The following SCMH1 variants were observed in gnomAD, a reference collection of about 807,000 sequenced individuals.
The protein encoded by SCMH1 is polycomb protein SCMH1.
A neutral mutation model predicts 70.8 loss-of-function variants in SCMH1; 37 were observed. The ratio of observed to expected loss-of-function variants is 0.52; its 90% CI spans 0.40 to 0.69. SCMH1 has a LOEUF of 0.69. SCMH1 is among the 30% of genes least tolerant of loss of function. SCMH1 has a pLI of 0.00. For synonymous variants in SCMH1, 292 were observed against 307.4 expected (o/e 0.95, Z 0.52); for missense variants, 607 against 827.3 (o/e 0.73, Z 3.27).
At chr1:41,171,387 G>A (rs1402125682) in intron 2 of SCMH1, among the ~76,000 whole-genome samples, 1 of 152,096 alleles carries the variant, frequency 6.6e-6, no homozygotes, top group East Asian at 1.9e-4. Context: ...CACTGCTTCT[G>A]ACCAAGAAGC....
chr1:41,038,469 G>A (rs1452973816), intron 12 of SCMH1, among the ~76,000 whole-genome samples: 7 of 152,132 alleles, frequency 4.6e-5, no homozygotes, highest in Non-Finnish European at 8.8e-5. Flanking sequence ...CAAGTGTTTA[G>A]GTAATGCTTG....
chr1:41,221,754 T>G (rs1659332587), intron 1 of SCMH1, among the ~76,000 whole-genome samples: 1 of 151,420 alleles, frequency 6.6e-6, no homozygotes, highest in Non-Finnish European at 1.5e-5. Flanking sequence ...TAGCCAGGTG[T>G]GGTGGCAGGC....
intron 9 of SCMH1, among the ~76,000 whole-genome samples, chr1:41,072,019 C>T (rs1242524004): frequency 2.0e-5 from 3 of 152,188 alleles, no homozygotes. Flanking sequence ...CAAAAATCCA[C>T]TTTTACTAAA....
At chr1:41,087,922 C>A (rs111890021) in intron 8 of SCMH1, among the ~76,000 whole-genome samples, 1 of 149,866 alleles carries the variant, frequency 6.7e-6, no homozygotes, top group Admixed American at 6.7e-5. Context: ...AATCTATACA[C>A]TATATATAGT....
At chr1:41,171,420 A>C (rs1016924626) in intron 2 of SCMH1, among the ~76,000 whole-genome samples, 1 of 152,192 alleles carries the variant, frequency 6.6e-6, no homozygotes, top group Admixed American at 6.5e-5. Flanking sequence ...TGTGGCAATA[A>C]GCTTATGCTC....
At chr1:41,213,825 T>G (rs1166997422) in intron 1 of SCMH1, among the ~76,000 whole-genome samples, 2 of 152,102 alleles carry the variant, frequency 1.3e-5, no homozygotes, top group East Asian at 3.9e-4. Context: ...TATAAGGACT[T>G]TAGCCATGAA....
chr1:41,112,176 C>T (rs936453314), intron 8 of SCMH1, among the ~76,000 whole-genome samples: 1 of 152,114 alleles, frequency 6.6e-6, no homozygotes, highest in African/African-American at 2.4e-5. Flanking sequence ...ATCTGTTTCA[C>T]CCAACTAGAA....
At chr1:41,197,573 T>A (rs191196267) in intron 1 of SCMH1, among the ~76,000 whole-genome samples, 25 of 152,238 alleles carry the variant, frequency 1.6e-4, no homozygotes, top group Middle Eastern at 3.4e-3. Flanking sequence ...GCGTACAGAA[T>A]TTCTATTTGG....
In SCMH1 at chr1:41,113,546, A is replaced by G; in HGVS notation, c.502-20T>C. 1 of 1,605,746 alleles carries G rather than the reference A, an allele frequency of 6.2e-7. No individual in the cohort carries two copies. The highest frequency in any genetic ancestry group is 2.2e-5 in the East Asian group (1 of 44,850). ...TGGCTCCTAGATGAGAAACAGAAAC[A>G]TACACACCTAGACACAAAGAGAGGC... On this transcript the variant is annotated intron_variant, in intron 7 of 14. Transcript: ENST00000337495. This position sits in a 1 kb window ranked among gnomAD's most constrained non-coding sequence, Gnocchi z 4.3.
At chr1:41,045,005 G>A (rs1376687051) in intron 12 of SCMH1, among the ~76,000 whole-genome samples, 1 of 152,190 alleles carries the variant, frequency 6.6e-6, no homozygotes, top group Non-Finnish European at 1.5e-5. Context: ...ATTCATGGAT[G>A]TGCTAACCCC....
At chr1:41,131,196 C>G (rs553989401) in intron 6 of SCMH1, among the ~76,000 whole-genome samples, 2 of 152,142 alleles carry the variant, frequency 1.3e-5, no homozygotes, top group African/African-American at 4.8e-5. Flanking sequence ...AATCAATTGA[C>G]CATAAATTGG....
chr1:41,183,525 G>C (rs1333765315), intron 2 of SCMH1, among the ~76,000 whole-genome samples: 1 of 152,068 alleles, frequency 6.6e-6, no homozygotes, highest in East Asian at 1.9e-4. Flanking sequence ...TTTTGTAACA[G>C]CTTTCTGGTG....
rs139100365 is a variant in SCMH1 at position 41,183,287 on chromosome 1, C to A, written c.13+2834G>T. On this transcript the variant is annotated intron_variant, in intron 2 of 14. Coordinates refer to ENST00000337495, the Ensembl canonical transcript of SCMH1. ...TCCTTTGTTCTCACTGCCTTCCAAT[C>A]ATACATCAGCATTATTTTTCTAAAA... Among the ~76,000 whole-genome samples the A allele has an allele frequency of 9.2e-5, 14 of 152,312 alleles. No individual in the cohort carries two copies. The East Asian group carries it at 2.7e-3, about 29-fold the overall frequency.
intron 1 of SCMH1, among the ~76,000 whole-genome samples, chr1:41,211,623 CTAGAAGTAGAAA>C (rs1390908345): frequency 1.3e-5 from 2 of 152,178 alleles, no homozygotes; most frequent in Non-Finnish European, 2.9e-5. Flanking sequence ...CCTCAGGGAT[CTAGAAGTAGAAA>C]TACCATTTGA....
In SCMH1 at chr1:41,217,830, G is replaced by C. The variant is rs1245167562; in HGVS notation, c.-118+24229C>G. The stretch of plus-strand genomic sequence containing the variant: ...AGAGGACAGAGAATCAAGCCAGAGA[G>C]AATTATTCTCAGGCTCTGAAATCTA... On this transcript the variant is annotated intron_variant, in intron 1 of 14. Coordinates refer to ENST00000337495, the Ensembl canonical transcript of SCMH1. Among the ~76,000 whole-genome samples, 4 of 152,208 alleles carry C rather than the reference G, an allele frequency of 2.6e-5. No individual in the cohort carries two copies. In the East Asian group the frequency reaches 5.8e-4, roughly 22 times the overall value.
At chr1:41,123,516 T>C (rs1672451922) in intron 6 of SCMH1, among the ~76,000 whole-genome samples, 1 of 152,284 alleles carries the variant, frequency 6.6e-6, no homozygotes, top group Non-Finnish European at 1.5e-5. Flanking sequence ...CATTAAAGAA[T>C]ACATCAGATC....
At chr1:41,152,828 C>G (rs1220396565) in intron 4 of SCMH1, 2 of 1,318,450 alleles carry the variant, frequency 1.5e-6, no homozygotes, top group Non-Finnish European at 2.0e-6. Flanking sequence ...TATTTTATAG[C>G]TTCTGTTTTA....
chr1:41,107,224 A>G (rs994096502), intron 8 of SCMH1, among the ~76,000 whole-genome samples: 5 of 151,848 alleles, frequency 3.3e-5, no homozygotes, highest in African/African-American at 1.2e-4. Context: ...GGGAGGTTAT[A>G]GAGATCTCCA....
chr1:41,075,134 G>T (rs1571834534), intron 9 of SCMH1, 85 bp downstream of exon 9: 1 of 1,324,018 alleles, frequency 7.6e-7, no homozygotes, highest in Non-Finnish European at 1.1e-6. Context: ...TAAGTGCTGG[G>T]ATTACAGGCG....
Sources: gnomAD v4.1 joint callset for allele counts (sites outside exome capture counted in the v4.1 genomes callset) on GRCh38, gnomAD v4.1.1 for gene constraint, Gnocchi (gnomAD v3.1) non-coding constraint, MANE v1.5 for transcripts, NCBI Gene and HGNC (gene_info 2026-07-23, HGNC 2026-07-21) for gene names.